Variants in UCKL1 observed in about 807,000 individuals in gnomAD.
The protein encoded by UCKL1 is uridine-cytidine kinase 1 like 1.
A neutral mutation model predicts 59.2 loss-of-function variants in UCKL1; 65 were observed. That is an observed-to-expected ratio of 1.10 (90% CI 0.90 to 1.35). UCKL1 has a LOEUF of 1.35. UCKL1 is among the 40% of genes most tolerant of loss of function. The pLI is 0.00. For synonymous variants in UCKL1, 410 were observed against 323.1 expected (o/e 1.27, Z -2.88); for missense variants, 703 against 784.3 (o/e 0.90, Z 1.24).
At chr20:63,952,515 G>A (rs1194538943) in intron 1 of UCKL1, among the ~76,000 whole-genome samples, 1 of 152,180 alleles carries the variant, frequency 6.6e-6, no homozygotes, top group African/African-American at 2.4e-5. Context: ...GGGAGGGGCC[G>A]CTCACGGTGG....
chr20:63,946,605 A>C lies in UCKL1; in HGVS notation c.152T>G (p.Val51Gly), dbSNP rs375439635. Reference sequence around the variant, plus strand: ...CTTCCGGGGAGAGCGCCCAGTGCCCACAGGTGGCAGGAGCCTGTCCAGGGA... The same window carrying C: ...CTTCCGGGGAGAGCGCCCAGTGCCCCCAGGTGGCAGGAGCCTGTCCAGGGA... ...AESLDRLLPPVGTGRSPRKRT... is the reference protein window; with the variant it reads ...AESLDRLLPPGGTGRSPRKRT... The change falls in exon 2 of 15, where the codon GTG (valine) becomes GGG (glycine). Residue 51 changes from valine (V) to glycine (G), a missense_variant. Transcript: ENST00000354216. 11 of 1,610,700 alleles carry C rather than the reference A, an allele frequency of 6.8e-6. No homozygotes were observed. The highest frequency in any genetic ancestry group is 1.1e-5 in the South Asian group (1 of 91,064).
chr20:63,946,284 A>G lies in UCKL1; in HGVS notation c.305-17T>C. 1 of 1,572,050 alleles carries G rather than the reference A, an allele frequency of 6.4e-7. No homozygotes were observed. The highest frequency in any genetic ancestry group is 8.6e-7 in the Non-Finnish European group (1 of 1,159,434). ...CTCCCAAGCCTGCCGGCGGGAGTGG[A>G]GACCCTCTGTGAGGAACAGGCAGGC... is the stretch of plus-strand genomic sequence containing the variant. On this transcript the variant is annotated splice_polypyrimidine_tract_variant and intron_variant, in intron 2 of 14. Transcript: ENST00000354216.
intron 11 of UCKL1, 35 bp from the exon 12 acceptor site, chr20:63,940,751 C>T: frequency 1.9e-6 from 3 of 1,605,438 alleles, no homozygotes; most frequent in South Asian, 1.1e-5. Flanking sequence ...CCACATCCCG[C>T]CCCAGCAGCC....
At chr20:63,951,120 C>T in intron 1 of UCKL1, 2 of 1,124,238 alleles carry the variant, frequency 1.8e-6, no homozygotes, top group Non-Finnish European at 2.2e-6. Context: ...GAAGCCTCCA[C>T]CGTACTGAGG....
chr20:63,948,001 G>T (rs951988684), intron 1 of UCKL1, among the ~76,000 whole-genome samples: 1 of 144,580 alleles, frequency 6.9e-6, no homozygotes, highest in Non-Finnish European at 1.6e-5. Context: ...TGGGGGGTTG[G>T]GGGGGCATCA....
chr20:63,944,809 C>A, intron 5 of UCKL1, 75 bp from the exon 6 acceptor site: 2 of 1,545,452 alleles, frequency 1.3e-6, no homozygotes, highest in Non-Finnish European at 1.7e-6. Flanking sequence ...AGCCCCTGCA[C>A]TGAGGCCGCC....
At chr20:63,954,850 C>G (rs932572956) in intron 1 of UCKL1, 2 of 152,262 alleles carry the variant, frequency 1.3e-5, no homozygotes, top group African/African-American at 4.8e-5. Flanking sequence ...GTGCACAGGG[C>G]AGGCCCAGAT....
chr20:63,954,700 G>A (rs897489398), intron 1 of UCKL1: 2 of 152,268 alleles, frequency 1.3e-5, no homozygotes, highest in African/African-American at 4.8e-5. Flanking sequence ...GCAGACCGGG[G>A]CCCCTGGAGA....
chr20:63,952,372 G>C (rs1475737972), intron 1 of UCKL1, among the ~76,000 whole-genome samples: 1 of 152,206 alleles, frequency 6.6e-6, no homozygotes, highest in Admixed American at 6.5e-5. Context: ...GGCGAGGGAC[G>C]GAGGAGCCCA....
chr20:63,948,815 T>C (rs1006684359), intron 1 of UCKL1, among the ~76,000 whole-genome samples: 8 of 151,860 alleles, frequency 5.3e-5, no homozygotes, highest in African/African-American at 1.9e-4. Flanking sequence ...TGAATGTTTT[T>C]AAAGCAGGTG....
chr20:63,948,082 G>C (rs897202922), intron 1 of UCKL1: 1 of 152,366 alleles, frequency 6.6e-6, no homozygotes, highest in African/African-American at 2.4e-5. Flanking sequence ...CATGAGACAA[G>C]ACACAGGTCC....
intron 7 of UCKL1, among the ~76,000 whole-genome samples, 166 bp from the exon 8 acceptor site, chr20:63,943,835 G>T (rs1417545102): frequency 6.6e-6 from 1 of 152,204 alleles, no homozygotes; most frequent in African/African-American, 2.4e-5. Context: ...GGGACCACCT[G>T]GGCCAGACCT....
chr20:63,946,276 G>A lies in UCKL1; in HGVS notation c.305-9C>T, dbSNP rs778803003. 43 of 1,577,698 alleles carry A rather than the reference G, an allele frequency of 2.7e-5. No individual in the cohort carries two copies. The highest frequency in any genetic ancestry group is 1.7e-4 in the Middle Eastern group (1 of 6,026). ...ACTGCCGCCTCCCAAGCCTGCCGGCGGGAGTGGAGACCCTCTGTGAGGAAC... is the reference window on the plus strand; with the variant it reads ...ACTGCCGCCTCCCAAGCCTGCCGGCAGGAGTGGAGACCCTCTGTGAGGAAC... On this transcript the variant is annotated splice_polypyrimidine_tract_variant and intron_variant, in intron 2 of 14. Coordinates refer to ENST00000354216, the MANE Select transcript of UCKL1 (RefSeq NM_017859.4).
At chr20:63,950,739 G>C (rs2057458932) in intron 1 of UCKL1, 2 of 1,514,028 alleles carry the variant, frequency 1.3e-6, no homozygotes, top group Non-Finnish European at 1.8e-6. Context: ...TCACGGCAGA[G>C]ACCTCCAGTC....
chr20:63,940,593 C>G lies in UCKL1; in HGVS notation c.1302+1G>C. 3 of 1,607,834 alleles carry G rather than the reference C, an allele frequency of 1.9e-6. No homozygotes were observed. Among genetic ancestry groups the G allele is most frequent in the Non-Finnish European group, 2.5e-6 (3 of 1,179,616 alleles). ...TCATCACCCCGGCTGCCCCCAGGCA[C>G]CTCGGGCTCCCCGGTAAGCTGGTTG... On this transcript the variant is annotated splice_donor_variant, in intron 12 of 14. Coordinates refer to ENST00000354216, the MANE Select transcript of UCKL1 (RefSeq NM_017859.4). LOFTEE classifies it high-confidence loss of function.
rs771794643 is a variant in UCKL1 at position 63,940,847 on chromosome 20, C to A, written c.1126G>T (p.Val376Leu). The change falls in exon 11 of 15, where the codon GTA becomes TTA. Residue 376 changes from valine (V) to leucine (L), a missense_variant. By Grantham distance (32) the Val-to-Leu change is conservative. Around this residue, in one of 4 missense-constraint regions of UCKL1, gnomAD observed 156 missense variants for 185.6 expected, o/e 0.84. Transcript: ENST00000354216. Reference protein sequence around the residue: ...LSFLPFQDCVVQTPQGQDYAG... With the variant: ...LSFLPFQDCVLQTPQGQDYAG... The stretch of plus-strand genomic sequence containing the variant: ...TAGTCCTGCCCCTGCGGGGTCTGTA[C>A]GACGCAGTCCTGTGGGGTGCAGGGT... The A allele has an allele frequency of 1.3e-6, 2 of 1,547,878 alleles. No individual in the cohort carries two copies. Among genetic ancestry groups the A allele is most frequent in the East Asian group, 2.3e-5 (1 of 44,296 alleles).
chr20:63,946,320 G>A (rs2056187501), intron 2 of UCKL1, 53 bp from the exon 3 acceptor site: 1 of 1,548,934 alleles, frequency 6.5e-7, no homozygotes, highest in South Asian at 1.2e-5. Flanking sequence ...TGCCGGCACA[G>A]ATAGGTCCCA....
intron 1 of UCKL1, chr20:63,950,773 A>T: frequency 6.5e-7 from 1 of 1,538,468 alleles, no homozygotes; most frequent in Non-Finnish European, 8.8e-7. Context: ...CTTCTGCTCC[A>T]AGGGCCCGGC....
chr20:63,941,213 G>T lies in UCKL1; in HGVS notation c.924-5C>A. On this transcript the variant is annotated splice_polypyrimidine_tract_variant and splice_region_variant and intron_variant, in intron 8 of 14. Coordinates refer to ENST00000354216, the MANE Select transcript of UCKL1 (RefSeq NM_017859.4). ...TGTGCCGAGGCCAGCGCAGCCCTGG[G>T]GACAAACCGATGGGGAACACTCAAG... 6.6e-7 allele frequency: 1 copy of T among 1,512,720 alleles called. No homozygotes were observed. 93.7% of individuals were successfully genotyped at this position (1,512,720 alleles called of 1,614,324 possible). A position where few individuals can be genotyped will look rare whatever the true frequency, so the allele number is the denominator to read the frequency against.
Sources: allele counts gnomAD v4.1 joint callset (sites outside exome capture counted in the v4.1 genomes callset), GRCh38; gene constraint gnomAD v4.1.1; regional missense constraint gnomAD v4.1.1; transcripts MANE v1.5; gene names NCBI Gene and HGNC (gene_info 2026-07-23, HGNC 2026-07-21).